The following CELF1 variants were observed in gnomAD, a reference collection of about 807,000 sequenced individuals.
CELF1 encodes CUGBP Elav-like family member 1.
In CELF1, 10 loss-of-function variants were observed where a neutral mutation model predicts 61.8. The observed-to-expected ratio is 0.16, with a 90% CI of 0.10 to 0.27. The LOEUF (loss-of-function observed/expected upper bound fraction) is 0.27, where lower values mean the gene tolerates loss of function less well. Among genes scored for constraint, CELF1 ranks in the 10% least tolerant of loss-of-function variants. The pLI is 1.00. For synonymous variants in CELF1, 236 were observed against 225.1 expected, an observed-to-expected ratio of 1.05 and a Z score of -0.43; for missense variants, 380 against 639.1, an observed-to-expected ratio of 0.59 and a Z score of 4.37.
At chr11:47,517,233 G>A (rs1161776717) in intron 1 of CELF1, among the ~76,000 whole-genome samples, 2 of 135,430 alleles carry the variant, frequency 1.5e-5, no homozygotes, top group Non-Finnish European at 1.5e-5. Flanking sequence ...ACAACTGAGA[G>A]AGAGCCTGTC....
At chr11:47,501,204 G>C (rs2093849621) in intron 1 of CELF1, among the ~76,000 whole-genome samples, 1 of 152,146 alleles carries the variant, frequency 6.6e-6, no homozygotes, top group African/African-American at 2.4e-5. Flanking sequence ...CTACTATAGA[G>C]GCAGAAGTGG....
chr11:47,558,151 A>G (rs1374271121), intron 2 of CELF1, among the ~76,000 whole-genome samples: 1 of 151,940 alleles, frequency 6.6e-6, no homozygotes, highest in East Asian at 1.9e-4. Flanking sequence ...GCCACCGCGC[A>G]TGGCCGGAAA....
At chr11:47,527,833 C>T (rs1269428684) in intron 1 of CELF1, among the ~76,000 whole-genome samples, 4 of 152,160 alleles carry the variant, frequency 2.6e-5, no homozygotes, top group Admixed American at 2.0e-4. Context: ...TGGTGGCTCA[C>T]GCCTGTAACC....
chr11:47,539,692 A>T (rs1185139465), intron 1 of CELF1, among the ~76,000 whole-genome samples: 1 of 152,240 alleles, frequency 6.6e-6, no homozygotes, highest in Non-Finnish European at 1.5e-5. Flanking sequence ...GAGTTAACTG[A>T]AAGGGTACTA....
At chr11:47,532,504 C>CG (rs2096510376) in intron 1 of CELF1, among the ~76,000 whole-genome samples, 1 of 152,148 alleles carries the variant, frequency 6.6e-6, no homozygotes, top group Non-Finnish European at 1.5e-5. Context: ...GGGATTCCTT[C>CG]CATGGATAGA....
chr11:47,486,485 T>C (rs1021228138), intron 6 of CELF1, among the ~76,000 whole-genome samples: 7 of 151,880 alleles, frequency 4.6e-5, no homozygotes, highest in African/African-American at 7.3e-5. Context: ...TCTTAGCTCA[T>C]TGCAACCTCC....
At position 47,481,252 on chromosome 11, in the gene CELF1, C is replaced by T. The variant is rs376175895; in HGVS notation, c.768+1443G>A. Among the ~76,000 whole-genome samples, 82 of 151,568 alleles carry T rather than the reference C, an allele frequency of 5.4e-4. 1 individual carries two copies. The highest frequency in any genetic ancestry group is 1.9e-3 in the African/African-American group (80 of 41,356). ...AAGCCATTCTCCTGCCTCAGCTTCC[C>T]GAGCAGCTGGGATTACAGGCACCTG... is the stretch of plus-strand genomic sequence containing the variant. On this transcript the variant is annotated intron_variant, in intron 9 of 14. Coordinates refer to ENST00000687097, the MANE Select transcript of CELF1 (RefSeq NM_001376376.1).
At chr11:47,487,816 G>A (rs78520583) in intron 4 of CELF1, among the ~76,000 whole-genome samples, 1,664 of 152,246 alleles carry the variant, frequency 0.011, 15 homozygotes, top group East Asian at 0.032. Context: ...AAAGCACATG[G>A]TGCTGCCTCA....
At chr11:47,526,198 G>A (rs1040295688) in intron 1 of CELF1, among the ~76,000 whole-genome samples, 7 of 151,618 alleles carry the variant, frequency 4.6e-5, no homozygotes, top group African/African-American at 1.2e-4. Flanking sequence ...GTGTGGTGGT[G>A]CATGCCAGGT....
At chr11:47,489,935 G>GTTTTTTTTTGTTTTTTT (rs2090270155) in intron 3 of CELF1, among the ~76,000 whole-genome samples, 1 of 48,226 alleles carries the variant, frequency 2.1e-5, no homozygotes, top group African/African-American at 7.8e-5. Flanking sequence ...ATACCATCTT[G>GTTTTTTTTTGTTTTTTT]TTTTTTTTTT....
At chr11:47,545,908 T>TAC (rs2096930876) in intron 1 of CELF1, among the ~76,000 whole-genome samples, 1 of 131,420 alleles carries the variant, frequency 7.6e-6, no homozygotes, top group East Asian at 2.3e-4. Context: ...TGTGTGTGTA[T>TAC]ATATATATTT....
Position 47,469,739 on chromosome 11 carries a change from A to G in CELF1, c.*2491T>C, listed in dbSNP as rs966894035. ...TGCTGGGGCGAGCATTCCTTTTAGA[A>G]AAGAAAACCCATCAGCAGGTATGAA... On this transcript the variant is annotated 3_prime_UTR_variant, in exon 15 of 15. Coordinates refer to ENST00000687097, the MANE Select transcript of CELF1 (RefSeq NM_001376376.1). 1.6e-4 allele frequency: 25 copies of G among 152,260 alleles called. No homozygotes were observed. Among genetic ancestry groups the G allele is most frequent in the Non-Finnish European group, 1.0e-4 (7 of 68,086 alleles). The allele number at this position is 152,260 out of a possible 1,614,324, so 9.4% of individuals were successfully genotyped here.
At chr11:47,548,039 G>C (rs1187914980) in intron 1 of CELF1, among the ~76,000 whole-genome samples, 1 of 152,154 alleles carries the variant, frequency 6.6e-6, no homozygotes, top group Admixed American at 6.6e-5. Flanking sequence ...GGTGGCTCAA[G>C]CCTGTAATCC....
chr11:47,502,346 C>T (rs1372608333), intron 1 of CELF1, among the ~76,000 whole-genome samples: 2 of 152,096 alleles, frequency 1.3e-5, no homozygotes, highest in South Asian at 2.1e-4. Context: ...ATTCAACATA[C>T]TTTGGGAAAA....
rs897540995 is a variant in CELF1 at position 47,482,934 on chromosome 11, G to A, written c.607-78C>T. On this transcript the variant is annotated intron_variant, in intron 8 of 14. Transcript: ENST00000687097. Reference sequence around the variant, plus strand: ...AAAAAATCTTCCTTTTGGATGACATGCAGGTTACATTCTAATTTCATTCAC... The same window carrying A: ...AAAAAATCTTCCTTTTGGATGACATACAGGTTACATTCTAATTTCATTCAC... 1.0e-5 allele frequency: 13 copies of A among 1,303,846 alleles called. No homozygotes were observed. The Middle Eastern group carries it at 5.6e-4, about 57-fold the overall frequency. 80.8% of individuals were successfully genotyped at this position (1,303,846 alleles called of 1,614,324 possible). A position where few individuals can be genotyped will look rare whatever the true frequency, so the allele number is the denominator to read the frequency against.
intron 1 of CELF1, among the ~76,000 whole-genome samples, chr11:47,545,855 G>GTGTGTC (rs2096921926): frequency 2.4e-5 from 3 of 125,312 alleles, no homozygotes; most frequent in Non-Finnish European, 5.0e-5. Context: ...GTATACGTGT[G>GTGTGTC]TGTGTGTGTG....
rs199946954 is a variant in CELF1, at chr11:47,561,934, G to GA, written c.-11+2416dup. The stretch of plus-strand genomic sequence containing the variant: ...TCAACACACAAGTGATATCTATTAA[G>GA]AAAAAAAAAAAGCTGGGCGCAGTGG... On this transcript the variant is annotated intron_variant, in intron 2 of 3. Coordinates refer to the CELF1 transcript ENST00000525841. Among the ~76,000 whole-genome samples, 679 of 144,394 alleles carry GA rather than the reference G, an allele frequency of 4.7e-3. 1 individual carries two copies. The highest frequency in any genetic ancestry group is 0.016 in the African/African-American group (624 of 39,566). 94.7% of individuals were successfully genotyped at this position (144,394 alleles called of 152,430 possible). A position where few individuals can be genotyped will look rare whatever the true frequency, so the allele number is the denominator to read the frequency against.
Position 47,473,173 on chromosome 11 carries a change from G to T in CELF1, c.1332C>A (p.Asp444Glu). The T allele has an allele frequency of 6.2e-7, 1 of 1,614,124 alleles. No individual in the cohort carries two copies. The highest frequency in any genetic ancestry group is 8.5e-7 in the Non-Finnish European group (1 of 1,180,022). ...YHLPQEFGDQ[D>E]LLQMFMPFGN... The stretch of plus-strand genomic sequence containing the variant: ...CAAAGGGCATAAACATCTGCAGCAG[G>T]TCCTGATCACCAAACTCCTGGGGCA... The change falls in exon 14 of 15, where the codon GAC becomes GAA. Residue 444 changes from aspartate (D) to glutamate (E), a missense_variant. Physicochemically the swap from Asp to Glu is conservative, Grantham distance 45 (BLOSUM62 2). Coordinates refer to ENST00000687097, the MANE Select transcript of CELF1 (RefSeq NM_001376376.1).
rs561481235 is a variant in CELF1, at chr11:47,480,376, C to T, written c.769-1424G>A. Among the ~76,000 whole-genome samples the T allele has an allele frequency of 4.4e-3, 668 of 152,248 alleles. 7 individuals are homozygous for T. Among genetic ancestry groups the T allele is most frequent in the African/African-American group, 0.015 (632 of 41,570 alleles). ...TGCTGGGATTACAGGCATAAGCCAC[C>T]GCGCCTGGCCTTTTTCTTCTTAAAC... On this transcript the variant is annotated intron_variant, in intron 9 of 14. Transcript: ENST00000687097.
Sources: gnomAD v4.1 joint callset for allele counts (sites outside exome capture counted in the v4.1 genomes callset) on GRCh38, gnomAD v4.1.1 for gene constraint, MANE v1.5 for transcripts, NCBI Gene and HGNC (gene_info 2026-07-23, HGNC 2026-07-21) for gene names.